Variants in NAV2 observed in about 807,000 individuals in gnomAD.
NAV2 encodes neuron navigator 2.
In NAV2, 54 loss-of-function variants were observed where a neutral mutation model predicts 223.2. The ratio of observed to expected loss-of-function variants is 0.24; its 90% CI spans 0.19 to 0.30. NAV2 has a LOEUF of 0.30. NAV2 is among the 10% of genes least tolerant of loss of function. NAV2 has a pLI of 1.00. For missense variants in NAV2, 2,806 were observed against 3,147.5 expected (o/e 0.89, Z 2.60); for synonymous variants, 1,279 against 1,239.3 (o/e 1.03, Z -0.67).
intron 1 of NAV2, among the ~76,000 whole-genome samples, chr11:19,658,663 G>A (rs142065245): frequency 6.9e-4 from 105 of 152,252 alleles, no homozygotes; most frequent in African/African-American, 1.1e-3. Context: ...CAGTATCCCC[G>A]TGCAGGCTCT....
intron 1 of NAV2, among the ~76,000 whole-genome samples, chr11:19,550,389 C>T (rs1371833160): frequency 3.3e-5 from 5 of 152,126 alleles, no homozygotes; most frequent in East Asian, 1.9e-4. Flanking sequence ...TGTTAGAACC[C>T]GAATACTTGA....
chr11:19,562,731 G>A (rs1393992052), intron 1 of NAV2, among the ~76,000 whole-genome samples: 3 of 152,136 alleles, frequency 2.0e-5, no homozygotes, highest in African/African-American at 7.2e-5. Context: ...GATTTACGCA[G>A]CACTAAAGCA....
At chr11:19,630,922 CAAAAAAAAAAAAAAAGGA>C (rs2047324283) in intron 1 of NAV2, among the ~76,000 whole-genome samples, 1 of 100,166 alleles carries the variant, frequency 1.0e-5, no homozygotes, top group Non-Finnish European at 1.8e-5. Flanking sequence ...GGTCCTGTTG[CAAAAAAAAAAAAAAAGGA>C]AAAAAGAAAA....
intron 1 of NAV2, among the ~76,000 whole-genome samples, chr11:19,794,623 G>T (rs972992446): frequency 1.4e-4 from 22 of 152,170 alleles, no homozygotes; most frequent in Non-Finnish European, 3.1e-4. Flanking sequence ...GCTTCATCCT[G>T]TCCTGTTAGC....
At chr11:19,952,300 C>CT (rs1413689334) in intron 10 of NAV2, among the ~76,000 whole-genome samples, 2 of 152,204 alleles carry the variant, frequency 1.3e-5, no homozygotes, top group African/African-American at 2.4e-5. Flanking sequence ...TCCCCAACCT[C>CT]TTGCCAGCTC....
intron 19 of NAV2, among the ~76,000 whole-genome samples, chr11:20,057,335 G>A (rs2058428270): frequency 6.6e-6 from 1 of 152,046 alleles, no homozygotes. Flanking sequence ...TTATTTTCTT[G>A]GTAACTTAAT....
At chr11:19,654,916 C>T (rs548119950) in intron 1 of NAV2, among the ~76,000 whole-genome samples, 13 of 152,298 alleles carry the variant, frequency 8.5e-5, no homozygotes, top group Admixed American at 2.6e-4. Flanking sequence ...TAAAGAGCTT[C>T]TGCACAGCAA....
In NAV2 at chr11:20,005,580, A is replaced by C. The variant is rs1226607462; in HGVS notation, c.2768+21333A>C. On this transcript the variant is annotated intron_variant, in intron 11 of 37. Transcript: ENST00000349880. ...TTTAAAAAAAAGAAAAAAAAAAAAA[A>C]CGAGAAATGAGTCCTATCTGTAATA... Among the ~76,000 whole-genome samples, 4 of 143,582 alleles carry C rather than the reference A, an allele frequency of 2.8e-5. No individual in the cohort carries two copies. In the East Asian group the frequency reaches 6.2e-4, roughly 22 times the overall value. 94.2% of individuals were successfully genotyped at this position (143,582 alleles called of 152,430 possible). A position where few individuals can be genotyped will look rare whatever the true frequency, so the allele number is the denominator to read the frequency against.
upstream of NAV2, among the ~76,000 whole-genome samples, chr11:19,346,138 A>G (rs1056005837): frequency 1.3e-5 from 2 of 151,772 alleles, no homozygotes; most frequent in Non-Finnish European, 2.9e-5. Context: ...TAGGTCCAGT[A>G]CCTGTCTGCG....
intron 1 of NAV2, chr11:19,402,016 A>C (rs1849708587): frequency 6.6e-6 from 1 of 152,174 alleles, no homozygotes; most frequent in South Asian, 2.1e-4. Context: ...GTGATTTCTA[A>C]GGGTCCCTCA....
intron 1 of NAV2, chr11:19,385,073 A>G (rs1848984700): frequency 6.6e-6 from 1 of 152,224 alleles, no homozygotes; most frequent in Admixed American, 6.5e-5. Context: ...TTAAACACAC[A>G]AAAAGAAGTT....
At chr11:19,594,820 A>G (rs941914829) in intron 1 of NAV2, among the ~76,000 whole-genome samples, 1 of 152,214 alleles carries the variant, frequency 6.6e-6, no homozygotes, top group Non-Finnish European at 1.5e-5. Context: ...AATGGGGACA[A>G]TCACAGTTCC....
intron 6 of NAV2, among the ~76,000 whole-genome samples, chr11:19,895,326 C>T (rs1467085400): frequency 1.3e-5 from 2 of 152,058 alleles, no homozygotes; most frequent in African/African-American, 4.8e-5. Context: ...ATCTGCCCGC[C>T]TCGGCCTGCC....
At chr11:19,632,260 C>CT (rs1289995827) in intron 1 of NAV2, among the ~76,000 whole-genome samples, 1 of 152,306 alleles carries the variant, frequency 6.6e-6, no homozygotes, top group African/African-American at 2.4e-5. Context: ...CAGGATTGGT[C>CT]TTTTTTCTAG....
chr11:20,118,741 G>A lies in NAV2; in HGVS notation c.*483G>A. The stretch of plus-strand genomic sequence containing the variant: ...CCTCCAGACTGGGTCTCAGAGCCGT[G>A]CCACCCACCCTCCCACACAGCCGGC... On this transcript the variant is annotated 3_prime_UTR_variant, in exon 38 of 38. Transcript: ENST00000349880. 5.8e-6 allele frequency: 1 copy of A among 172,644 alleles called. No homozygotes were observed. The highest frequency in any genetic ancestry group is 1.2e-5 in the Non-Finnish European group (1 of 81,966). 10.7% of individuals were successfully genotyped at this position (172,644 alleles called of 1,614,324 possible).
chr11:19,830,214 G>T (rs974306770), intron 1 of NAV2, among the ~76,000 whole-genome samples: 3 of 152,170 alleles, frequency 2.0e-5, no homozygotes, highest in African/African-American at 7.2e-5. Context: ...GACAGAACGA[G>T]ACTCTGTCTT....
intron 1 of NAV2, among the ~76,000 whole-genome samples, chr11:19,395,634 C>T (rs559459618): frequency 9.8e-5 from 15 of 152,332 alleles, no homozygotes; most frequent in African/African-American, 2.9e-4. Flanking sequence ...GAGTGGACAG[C>T]GGCTGAGCCA....
intron 6 of NAV2, among the ~76,000 whole-genome samples, chr11:19,899,845 C>A (rs1325013829): frequency 1.3e-5 from 2 of 152,162 alleles, no homozygotes; most frequent in Non-Finnish European, 2.9e-5. Flanking sequence ...GACAGCAAAT[C>A]TGCTGGGTTC....
In NAV2 at chr11:20,100,941, C is replaced by T. The variant is rs139159193; in HGVS notation, c.6186C>T (p.Leu2062=). The T allele has an allele frequency of 4.6e-5, 75 of 1,613,788 alleles. No individual in the cohort carries two copies. In the African/African-American group the frequency reaches 6.3e-4, roughly 13 times the overall value. The change falls in exon 32 of 38, where the codon CTC becomes CTT. Residue 2062 remains leucine (L), a synonymous_variant. Transcript: ENST00000349880. ...TCCTGTCTCTCTCAAATGCAGGGCT[C>T]GCAGAAAACAGCCTGGACTCACTGG... ...NTTISVTVKG[L]AENSLDSLVF... is the part of the protein sequence containing the mutation.
Sources: gnomAD v4.1 joint callset for allele counts (sites outside exome capture counted in the v4.1 genomes callset) on GRCh38, gnomAD v4.1.1 for gene constraint, MANE v1.5 for transcripts, NCBI Gene and HGNC (gene_info 2026-07-23, HGNC 2026-07-21) for gene names.